RASGRP1: variants seen among roughly 807,000 people sequenced by gnomAD.
RASGRP1 encodes RAS guanyl releasing protein 1, also known as RAS guanyl-releasing protein 1.
RASGRP1 carries 37 observed loss-of-function variants against 95.1 expected under a neutral mutation model. The ratio of observed to expected loss-of-function variants is 0.39; its 90% confidence interval spans 0.30 to 0.51. The LOEUF (loss-of-function observed/expected upper bound fraction) is 0.51. Ranked by LOEUF, RASGRP1 falls within the 20% of genes least tolerant of loss-of-function variation. The pLI, the probability that RASGRP1 is intolerant of heterozygous loss-of-function variation, is 0.80. For synonymous variants in RASGRP1, 325 were observed against 353.4 expected (o/e 0.92, Z 0.90); for missense variants, 711 against 965.4 (o/e 0.74, Z 3.49).
At chr15:38,515,303 A>G (rs1447127520) in intron 6 of RASGRP1, among the ~76,000 whole-genome samples, 2 of 152,110 alleles carry the variant, frequency 1.3e-5, no homozygotes, top group Non-Finnish European at 2.9e-5. Context: ...CATTTTAATA[A>G]ATGGACCCAG....
At chr15:38,522,021 G>A (rs1391490792) in intron 3 of RASGRP1, among the ~76,000 whole-genome samples, 7 of 152,072 alleles carry the variant, frequency 4.6e-5, no homozygotes, top group Admixed American at 4.6e-4. Flanking sequence ...AGATATCACA[G>A]GTAAAAGTTC....
At chr15:38,501,004 T>G in intron 13 of RASGRP1, 139 bp downstream of exon 13, 76 of 1,021,430 alleles carry the variant, frequency 7.4e-5, no homozygotes, top group Non-Finnish European at 8.9e-5. Context: ...ACCACACGCT[T>G]GAGCTCTAGG....
At chr15:38,514,159 G>A (rs971141996) in intron 6 of RASGRP1, among the ~76,000 whole-genome samples, 1 of 152,162 alleles carries the variant, frequency 6.6e-6, no homozygotes, top group Non-Finnish European at 1.5e-5. Flanking sequence ...CCTTAGTTCT[G>A]CCTAAGTAGT....
chr15:38,512,218 T>C (rs888740060), intron 7 of RASGRP1, among the ~76,000 whole-genome samples: 5 of 152,226 alleles, frequency 3.3e-5, no homozygotes, highest in African/African-American at 1.2e-4. Context: ...TACCAGACTT[T>C]TATTTTTGAG....
Position 38,494,752 on chromosome 15 carries a change from G to T in RASGRP1, c.1889C>A (p.Pro630His). 1 of 1,500,756 alleles carries T rather than the reference G, an allele frequency of 6.7e-7. No individual in the cohort carries two copies. The highest frequency in any genetic ancestry group is 8.9e-7 in the Non-Finnish European group (1 of 1,128,130). The allele number at this position is 1,500,756 out of a possible 1,614,324, so 93.0% of individuals were successfully genotyped here. A position where few individuals can be genotyped will look rare whatever the true frequency, so the allele number is the denominator to read the frequency against. Residue 630 changes from proline to histidine, a missense_variant, in exon 16 of 17, where the codon CCT becomes CAT. This residue lies in a region of RASGRP1 where 212 missense variants were observed against 247.8 expected (regional missense o/e 0.86). Transcript: ENST00000310803. ...KDLLHAPEEG[P>H]FTFPNGEAVE... ...AGCCTCCCCATTAGGGAATGTAAAA[G>T]GTCCTTCCTCAGGTGCTGTAGGAAG...
chr15:38,534,994 G>A (rs1892586388), intron 2 of RASGRP1, among the ~76,000 whole-genome samples: 1 of 152,152 alleles, frequency 6.6e-6, no homozygotes, highest in Non-Finnish European at 1.5e-5. Flanking sequence ...AGTGGCTGAA[G>A]AACCACACTA....
chr15:38,491,273 A>C (rs1032504687), intron 16 of RASGRP1, among the ~76,000 whole-genome samples: 1 of 152,204 alleles, frequency 6.6e-6, no homozygotes, highest in African/African-American at 2.4e-5. Context: ...TTACTCCAAG[A>C]GAATATTATA....
chr15:38,490,414 G>A lies in RASGRP1; in HGVS notation c.*140C>T. ...GTGCTGCACATTAGGAATCTTTTAGGTAAATAAACAGTAACAGGCTTTTCC... is the reference window on the plus strand; with the variant it reads ...GTGCTGCACATTAGGAATCTTTTAGATAAATAAACAGTAACAGGCTTTTCC... On this transcript the variant is annotated 3_prime_UTR_variant, in exon 17 of 17. Transcript: ENST00000310803. 1 of 846,218 alleles carries A rather than the reference G, an allele frequency of 1.2e-6. No homozygotes were observed. The highest frequency in any genetic ancestry group is 3.9e-5 in the Admixed American group (1 of 25,806). 52.4% of individuals were successfully genotyped at this position (846,218 alleles called of 1,614,324 possible).
At chr15:38,514,625 C>A (rs1891685640) in intron 6 of RASGRP1, among the ~76,000 whole-genome samples, 1 of 152,128 alleles carries the variant, frequency 6.6e-6, no homozygotes, top group Admixed American at 6.6e-5. Context: ...ACAAAAAAAC[C>A]CTGAGATAGT....
intron 1 of RASGRP1, among the ~76,000 whole-genome samples, chr15:38,560,648 T>A (rs1169848436): frequency 6.6e-6 from 1 of 152,202 alleles, no homozygotes. Context: ...TTTAAGCGAG[T>A]CCTGCCTTTC....
chr15:38,513,083 C>T (rs1216908490), intron 6 of RASGRP1, 127 bp from the exon 7 acceptor site: 2 of 939,030 alleles, frequency 2.1e-6, no homozygotes, highest in Non-Finnish European at 2.9e-6. Flanking sequence ...AACAGAGGAG[C>T]TCCTGGTGCT....
At chr15:38,546,353 T>C (rs142117359) in intron 2 of RASGRP1, among the ~76,000 whole-genome samples, 118 of 152,188 alleles carry the variant, frequency 7.8e-4, no homozygotes, top group African/African-American at 2.6e-3. Context: ...GAGTATTCTG[T>C]TGCGGCTGGG....
At chr15:38,551,022 ATAAACACT>A (rs1247466018) in intron 2 of RASGRP1, among the ~76,000 whole-genome samples, 1 of 152,246 alleles carries the variant, frequency 6.6e-6, no homozygotes, top group Non-Finnish European at 1.5e-5. Flanking sequence ...AAATATTAAC[ATAAACACT>A]GTGTTATTCA....
At chr15:38,517,602 C>T (rs931799493) in intron 5 of RASGRP1, among the ~76,000 whole-genome samples, 1 of 152,058 alleles carries the variant, frequency 6.6e-6, no homozygotes, top group Non-Finnish European at 1.5e-5. Context: ...CCTCAATTTC[C>T]CAGTCAGAAA....
Position 38,511,633 on chromosome 15 carries a change from T to C in RASGRP1, c.937A>G (p.Ser313Gly). The C allele has an allele frequency of 6.2e-7, 1 of 1,613,564 alleles. No homozygotes were observed. The highest frequency in any genetic ancestry group is 8.5e-7 in the Non-Finnish European group (1 of 1,179,574). ...HSSISRLKETSSHVPHEINKV... is the reference protein window; with the variant it reads ...HSSISRLKETGSHVPHEINKV... ...TTGATTTCATGTGGGACATGCGAAC[T>C]TGTCTCCTTGAGCCTCGAGATTGAG... The change falls in exon 8 of 17, where the codon AGT becomes GGT. Residue 313 changes from serine (S) to glycine (G), a missense_variant. By Grantham distance (56) the Ser-to-Gly change is moderately conservative. Coordinates refer to ENST00000310803, the MANE Select transcript of RASGRP1 (RefSeq NM_005739.4).
At chr15:38,523,520 G>A (rs907226317) in intron 3 of RASGRP1, among the ~76,000 whole-genome samples, 16 of 152,020 alleles carry the variant, frequency 1.1e-4, no homozygotes, top group African/African-American at 2.2e-4. Flanking sequence ...AATTATTATT[G>A]AAGAAAGAAA....
At chr15:38,555,516 C>G (rs1489248885) in intron 2 of RASGRP1, among the ~76,000 whole-genome samples, 10 of 152,152 alleles carry the variant, frequency 6.6e-5, no homozygotes, top group Admixed American at 6.5e-4. Context: ...GAGAGAGATC[C>G]AGGCTTGCCC....
At chr15:38,516,413 A>T in intron 5 of RASGRP1, 63 bp from the exon 6 acceptor site, 1 of 1,522,886 alleles carries the variant, frequency 6.6e-7, no homozygotes, top group Admixed American at 1.7e-5. Flanking sequence ...TTTTGCAAGT[A>T]AATCCATTAA....
At chr15:38,526,239 T>G in intron 3 of RASGRP1, 60 bp downstream of exon 3, 1 of 1,337,100 alleles carries the variant, frequency 7.5e-7, no homozygotes, top group Non-Finnish European at 1.1e-6. Context: ...ACTTCAAATT[T>G]CAAGCTACTT....
Sources: allele counts gnomAD v4.1 joint callset (sites outside exome capture counted in the v4.1 genomes callset), GRCh38; gene constraint gnomAD v4.1.1; regional missense constraint gnomAD v4.1.1; transcripts MANE v1.5; gene names NCBI Gene and HGNC (gene_info 2026-07-23, HGNC 2026-07-21).